GCC2: variants seen among roughly 807,000 people sequenced by gnomAD.
GCC2 encodes the protein GRIP and coiled-coil domain containing 2, also known as GRIP and coiled-coil domain-containing protein 2.
Under a neutral mutation model 210.6 loss-of-function variants are expected in GCC2, and 120 were observed. That is an observed-to-expected ratio of 0.57 (90% CI 0.49 to 0.66). GCC2 has a LOEUF of 0.66. Among genes scored for constraint, GCC2 ranks in the 30% least tolerant of loss-of-function variants. The pLI, the probability that GCC2 is intolerant of heterozygous loss-of-function variation, is 0.00. For synonymous variants in GCC2, 703 were observed against 652.7 expected (o/e 1.08, Z -1.17); for missense variants, 1,868 against 1,871.9 (o/e 1.00, Z 0.04).
At position 108,476,054 on chromosome 2, in the gene GCC2, C is replaced by CCTTT. The variant is rs1558744710; in HGVS notation, c.3060+204_3060+205insCTTT. On this transcript the variant is annotated intron_variant, in intron 9 of 22. Coordinates refer to ENST00000309863, the MANE Select transcript of GCC2 (RefSeq NM_181453.4). ...TGGTTAAGCTTTAAATAGTGGCTTG[C>CCTTT]TTTTTTTTTTTTTTTTTTTTTTTTT... Among the ~76,000 whole-genome samples, 36 of 96,318 alleles carry CCTTT rather than the reference C, an allele frequency of 3.7e-4. 5 individuals carry two copies. The highest frequency in any genetic ancestry group is 9.5e-4 in the Admixed American group (8 of 8,392). The allele number at this position is 96,318 out of a possible 152,430, so 63.2% of individuals were successfully genotyped here.
Position 108,481,754 on chromosome 2 carries a change from G to A in GCC2, c.3118G>A (p.Ala1040Thr). 1 of 1,603,584 alleles carries A rather than the reference G, an allele frequency of 6.2e-7. No individual in the cohort carries two copies. Among genetic ancestry groups the A allele is most frequent in the South Asian group, 1.1e-5 (1 of 89,502 alleles). The part of the protein sequence containing the change: ...SEQLDVEKER[A>T]NNFEHRIEDL... ...GCAACTGGATGTGGAAAAAGAACGT[G>A]CTAATAATTTTGAGCATCGTATTGA... Residue 1040 changes from alanine to threonine, a missense_variant, in exon 10 of 23, where the codon GCT (alanine) becomes ACT (threonine). Coordinates refer to ENST00000309863, the MANE Select transcript of GCC2 (RefSeq NM_181453.4).
intron 11 of GCC2, 89 bp downstream of exon 11, chr2:108,482,540 G>A (rs1290329550): frequency 3.1e-6 from 2 of 641,542 alleles, no homozygotes; most frequent in East Asian, 2.7e-5. Context: ...ACTAAGAGTA[G>A]CATTTATGAA....
intron 17 of GCC2, 85 bp downstream of exon 17, chr2:108,487,905 T>A: frequency 1.6e-6 from 2 of 1,223,664 alleles, no homozygotes; most frequent in African/African-American, 3.2e-5. Context: ...TTATGATTTT[T>A]TTTTTTTTTT....
intron 18 of GCC2, among the ~76,000 whole-genome samples, chr2:108,490,341 T>C (rs1424664788): frequency 2.6e-5 from 4 of 152,232 alleles, no homozygotes; most frequent in South Asian, 2.1e-4. Flanking sequence ...CATTTTTTTT[T>C]CTAGAAGAAA....
chr2:108,488,287 C>G (rs1172452085), intron 17 of GCC2, among the ~76,000 whole-genome samples: 1 of 152,124 alleles, frequency 6.6e-6, no homozygotes, highest in East Asian at 1.9e-4. Context: ...TTCACTGTGT[C>G]TGCAGACAGT....
chr2:108,481,751 C>A lies in GCC2; in HGVS notation c.3115C>A (p.Arg1039Ser). 1 of 1,600,566 alleles carries A rather than the reference C, an allele frequency of 6.2e-7. No individual in the cohort carries two copies. The highest frequency in any genetic ancestry group is 2.2e-5 in the East Asian group (1 of 44,652). Residue 1039 changes from arginine to serine, a missense_variant, in exon 10 of 23, where the codon CGT becomes AGT. Arg to Ser is a moderately radical substitution (Grantham distance 110). This residue lies in a region of GCC2 where 1,847 missense variants were observed against 1,765.2 expected (regional missense o/e 1.05). Coordinates refer to ENST00000309863, the MANE Select transcript of GCC2 (RefSeq NM_181453.4). Reference protein sequence around the residue: ...QSEQLDVEKERANNFEHRIED... With the variant: ...QSEQLDVEKESANNFEHRIED... ...AGAGCAACTGGATGTGGAAAAAGAACGTGCTAATAATTTTGAGCATCGTAT... is the reference window on the plus strand; with the variant it reads ...AGAGCAACTGGATGTGGAAAAAGAAAGTGCTAATAATTTTGAGCATCGTAT...
At chr2:108,473,064 T>C in intron 7 of GCC2, 165 bp downstream of exon 7, 1 of 491,214 alleles carries the variant, frequency 2.0e-6, no homozygotes, top group African/African-American at 2.0e-5. Flanking sequence ...CCTGTTTGCC[T>C]TCTCTTTCAA....
chr2:108,449,237 G>GCGGCGGCTGGTTGCGGGC lies in GCC2; in HGVS notation c.-30_-13dup, dbSNP rs1374347716. ...TGGCGCAAACAGAAGTGCAGCGGTG[G>GCGGCGGCTGGTTGCGGGC]CGGCGGCTGGTTGCGGGCCGGCGGC... On this transcript the variant is annotated 5_prime_UTR_variant, in exon 1 of 23. Transcript: ENST00000309863. 11 of 1,545,874 alleles carry GCGGCGGCTGGTTGCGGGC rather than the reference G, an allele frequency of 7.1e-6. No homozygotes were observed. Among genetic ancestry groups the GCGGCGGCTGGTTGCGGGC allele is most frequent in the East Asian group, 2.4e-5 (1 of 40,878 alleles).
chr2:108,486,600 A>T lies in GCC2; in HGVS notation c.3882A>T (p.Ala1294=), dbSNP rs1284954649. The part of the protein sequence containing the change: ...SAEQHQRTLS[A]YQQRVTALQE... The stretch of plus-strand genomic sequence containing the variant: ...AACAGCACCAGCGTACGCTAAGTGC[A>T]TACCAGCAGAGAGTGACAGCACTAC... Residue 1294 remains alanine, a synonymous_variant, in exon 16 of 23, where the codon GCA becomes GCT. Coordinates refer to ENST00000309863, the MANE Select transcript of GCC2 (RefSeq NM_181453.4). The T allele has an allele frequency of 5.6e-6, 9 of 1,614,048 alleles. No individual in the cohort carries two copies. In the South Asian group the frequency reaches 8.8e-5, roughly 16 times the overall value.
chr2:108,485,082 A>G (rs1161800624), intron 13 of GCC2, among the ~76,000 whole-genome samples: 2 of 151,880 alleles, frequency 1.3e-5, no homozygotes, highest in Non-Finnish European at 2.9e-5. Flanking sequence ...CAAAAAACCA[A>G]ACACTGCATA....
intron 21 of GCC2, among the ~76,000 whole-genome samples, chr2:108,497,376 A>G (rs1016725310): frequency 2.0e-5 from 3 of 152,194 alleles, no homozygotes; most frequent in African/African-American, 7.2e-5. Context: ...TTGGCCTCCC[A>G]AAGTGCTGGT....
At chr2:108,449,587 T>C (rs748992918) in intron 1 of GCC2, 46 bp from the exon 2 acceptor site, 1 of 1,568,252 alleles carries the variant, frequency 6.4e-7, no homozygotes, top group South Asian at 1.1e-5. Context: ...CGTGTGGAAT[T>C]AGGAAAAGAG....
intron 7 of GCC2, 52 bp from the exon 8 acceptor site, chr2:108,475,483 T>A: frequency 1.3e-6 from 1 of 794,334 alleles, no homozygotes; most frequent in Non-Finnish European, 1.9e-6. Flanking sequence ...GCAAGTAATT[T>A]GAATTTTTTC....
chr2:108,449,652 T>C lies in GCC2; in HGVS notation c.26T>C (p.Val9Ala). 6.2e-7 allele frequency: 1 copy of C among 1,613,736 alleles called. No homozygotes were observed. The highest frequency in any genetic ancestry group is 8.5e-7 in the Non-Finnish European group (1 of 1,179,820). Residue 9 changes from valine (V) to alanine (A), a missense_variant, in exon 2 of 23, where the codon GTG becomes GCG. Physicochemically the swap from Val to Ala is moderately conservative, Grantham distance 64 (BLOSUM62 0). Coordinates refer to ENST00000309863, the MANE Select transcript of GCC2 (RefSeq NM_181453.4). MEDLVQDG[V>A]ASPATPGTGK... ...TTGCAGGATCTTGTTCAAGATGGGG[T>C]GGCTTCACCAGCTACCCCTGGGACC...
rs564203560 is a variant in GCC2, at chr2:108,501,413, C to T, written c.4984+1659C>T. Among the ~76,000 whole-genome samples, 37 of 152,236 alleles carry T rather than the reference C, an allele frequency of 2.4e-4. 1 individual carries two copies. The highest frequency in any genetic ancestry group is 8.4e-4 in the African/African-American group (35 of 41,552). On this transcript the variant is annotated intron_variant, in intron 22 of 22. Transcript: ENST00000309863. ...GGGTTTTAATCATTACAGGGTAACA[C>T]TGAACTTGTTCTAATTGCCTATAAA...
rs1679918021 is a variant in GCC2 at position 108,451,063 on chromosome 2, T to C, written c.99T>C (p.Phe33=). 2 of 1,613,444 alleles carry C rather than the reference T, an allele frequency of 1.2e-6. No individual in the cohort carries two copies. Among genetic ancestry groups the C allele is most frequent in the Non-Finnish European group, 1.7e-6 (2 of 1,179,430 alleles). The change falls in exon 3 of 23, where the codon TTT becomes TTC. Residue 33 remains phenylalanine (F), a synonymous_variant. Transcript: ENST00000309863. ...TGCCCAAAGAAGACCTCATCAAGTT[T>C]GCCAAGAAACAGATGATGCTAATAC... The part of the protein sequence containing the change: ...ETLPKEDLIK[F]AKKQMMLIQK...
In GCC2 at chr2:108,489,908, A is replaced by G. The variant is rs1682327069; in HGVS notation, c.4123A>G (p.Asn1375Asp). The G allele has an allele frequency of 6.2e-7, 1 of 1,610,490 alleles. No homozygotes were observed. The highest frequency in any genetic ancestry group is 2.2e-5 in the East Asian group (1 of 44,578). The change falls in exon 18 of 23, where the codon AAT (asparagine) becomes GAT (aspartate). Residue 1375 changes from asparagine (N) to aspartate (D), a missense_variant. Physicochemically the swap from Asn to Asp is conservative, Grantham distance 23. Around this residue, in one of 3 missense-constraint regions of GCC2, gnomAD observed 1,847 missense variants for 1,765.2 expected, o/e 1.05. Coordinates refer to ENST00000309863, the MANE Select transcript of GCC2 (RefSeq NM_181453.4). ...AGATAGCCAAAATAACTTACAGATT[A>G]ATGTATCTGAACTTCAAACATTGCA... ...LQDSQNNLQI[N>D]VSELQTLQSE...
chr2:108,476,326 G>A (rs1442386469), intron 9 of GCC2, among the ~76,000 whole-genome samples: 1 of 152,038 alleles, frequency 6.6e-6, no homozygotes, highest in African/African-American at 2.4e-5. Flanking sequence ...CCAAAGTGCT[G>A]GGATTACAGG....
chr2:108,495,225 C>G, intron 19 of GCC2, 66 bp from the exon 20 acceptor site: 2 of 932,542 alleles, frequency 2.1e-6, no homozygotes, highest in Admixed American at 2.4e-5. Flanking sequence ...TATTGTGTAT[C>G]TCTGTAAGGC....
Sources: allele counts gnomAD v4.1 joint callset (sites outside exome capture counted in the v4.1 genomes callset), GRCh38; gene constraint gnomAD v4.1.1; regional missense constraint gnomAD v4.1.1; transcripts MANE v1.5; gene names NCBI Gene and HGNC (gene_info 2026-07-23, HGNC 2026-07-21).